Variants in TBC1D13 observed in about 807,000 individuals in gnomAD.
TBC1D13 encodes epididymis secretory sperm binding protein.
Under a neutral mutation model 53.6 loss-of-function variants are expected in TBC1D13, and 40 were observed. The ratio of observed to expected loss-of-function variants is 0.75; its 90% confidence interval spans 0.58 to 0.97. The LOEUF (loss-of-function observed/expected upper bound fraction) is 0.97, where lower values mean the gene tolerates loss of function less well. Among genes scored for constraint, TBC1D13 ranks in the 50% least tolerant of loss-of-function variants. TBC1D13 has a pLI of 0.00. For synonymous variants in TBC1D13, 182 were observed against 197.7 expected (o/e 0.92, Z 0.67); for missense variants, 377 against 499.4 (o/e 0.75, Z 2.34).
At chr9:128,806,119 T>C (rs1016946366) in intron 10 of TBC1D13, 100 bp downstream of exon 10, 21 of 1,584,976 alleles carry the variant, frequency 1.3e-5, no homozygotes, top group African/African-American at 2.7e-5. Flanking sequence ...GGCTGCTCTT[T>C]CATGGCTGGA....
rs764823258 is a variant in TBC1D13, at chr9:128,805,876, G to C, written c.936G>C (p.Lys312Asn). The C allele has an allele frequency of 6.2e-7, 1 of 1,613,808 alleles. No individual in the cohort carries two copies. The highest frequency in any genetic ancestry group is 8.5e-7 in the Non-Finnish European group (1 of 1,180,006). The part of the protein sequence containing the change: ...LYLKLQEQNI[K>N]PQFFAFRWLT... ...CTCCCCAGCAAGAGCAGAACATCAA[G>C]CCTCAGTTCTTTGCCTTCCGCTGGC... Residue 312 changes from lysine (K) to asparagine (N), a missense_variant, in exon 10 of 12, where the codon AAG (lysine) becomes AAC (asparagine). Transcript: ENST00000372648.
chr9:128,801,764 T>C (rs1253822043), intron 7 of TBC1D13, among the ~76,000 whole-genome samples: 1 of 121,700 alleles, frequency 8.2e-6, no homozygotes, highest in Admixed American at 7.2e-5. Flanking sequence ...TTTTTTGTTT[T>C]TTGTTTTTTT....
intron 2 of TBC1D13, among the ~76,000 whole-genome samples, chr9:128,788,973 T>C (rs1028048128): frequency 6.6e-6 from 1 of 152,170 alleles, no homozygotes; most frequent in East Asian, 1.9e-4. Context: ...TTAAAAAATA[T>C]CCCAACGTGT....
intron 2 of TBC1D13, 108 bp downstream of exon 2, chr9:128,788,515 G>T: frequency 1.0e-6 from 1 of 980,508 alleles, no homozygotes; most frequent in Non-Finnish European, 1.6e-6. Flanking sequence ...CTGGGGGCTG[G>T]GGCCTTGGAA....
chr9:128,794,909 A>T (rs1292196252), intron 6 of TBC1D13, among the ~76,000 whole-genome samples: 1 of 151,720 alleles, frequency 6.6e-6, no homozygotes, highest in Non-Finnish European at 1.5e-5. Context: ...CATTCTAGAC[A>T]CCATCTCCCA....
rs1829871236 is a variant in TBC1D13 at position 128,808,065 on chromosome 9, C to T, written c.*186C>T. 4.8e-6 allele frequency: 3 copies of T among 623,468 alleles called. No individual in the cohort carries two copies. In the South Asian group the frequency reaches 5.4e-5, roughly 11 times the overall value. 38.6% of individuals were successfully genotyped at this position (623,468 alleles called of 1,614,324 possible). ...TTCTGCCGCCACGCCCAGCTCCCCACCTGCCCTGCACTCTGCCCTCTTTGC... is the reference window on the plus strand; with the variant it reads ...TTCTGCCGCCACGCCCAGCTCCCCATCTGCCCTGCACTCTGCCCTCTTTGC... On this transcript the variant is annotated 3_prime_UTR_variant, in exon 12 of 12. Coordinates refer to ENST00000372648, the MANE Select transcript of TBC1D13 (RefSeq NM_018201.5).
At chr9:128,798,566 G>A (rs1829677149) in intron 7 of TBC1D13, among the ~76,000 whole-genome samples, 1 of 152,196 alleles carries the variant, frequency 6.6e-6, no homozygotes, top group South Asian at 2.1e-4. Flanking sequence ...AGTTGTCTAG[G>A]CAAGAGGTGG....
At chr9:128,791,780 G>C in intron 5 of TBC1D13, 87 bp downstream of exon 5, 1 of 1,164,106 alleles carries the variant, frequency 8.6e-7, no homozygotes, top group Non-Finnish European at 1.3e-6. Flanking sequence ...TGCATGCCAG[G>C]GGGTAGGTGC....
At position 128,808,432 on chromosome 9, in the gene TBC1D13, T is replaced by TGTGC. The variant is rs1212727637; in HGVS notation, c.*556_*557insCGTG. 1 of 169,522 alleles carries TGTGC rather than the reference T, an allele frequency of 5.9e-6. No homozygotes were observed. The highest frequency in any genetic ancestry group is 2.4e-5 in the African/African-American group (1 of 41,582). The allele number at this position is 169,522 out of a possible 1,614,324, so 10.5% of individuals were successfully genotyped here. A position where few individuals can be genotyped will look rare whatever the true frequency, so the allele number is the denominator to read the frequency against. On this transcript the variant is annotated 3_prime_UTR_variant, in exon 12 of 12. Coordinates refer to ENST00000372648, the MANE Select transcript of TBC1D13 (RefSeq NM_018201.5). The stretch of plus-strand genomic sequence containing the variant: ...CCGTGTGTGTGTGTGTGTGTGTGTG[T>TGTGC]GTGTGTGTGTGTGTGTGTGTGTGTT...
rs760918502 is a variant in TBC1D13 at position 128,797,228 on chromosome 9, T to TG, written c.543+18dup. The TG allele has an allele frequency of 6.2e-7, 1 of 1,613,544 alleles. No homozygotes were observed. Among genetic ancestry groups the TG allele is most frequent in the Non-Finnish European group, 8.5e-7 (1 of 1,179,622 alleles). ...GGGGTCACAAATGTGAGTGCCAACC[T>TG]GGGGTCCCCAGGGACTCCCCCAACA... On this transcript the variant is annotated intron_variant, in intron 7 of 11. Transcript: ENST00000372648.
At chr9:128,801,919 G>A (rs1270821916) in intron 7 of TBC1D13, among the ~76,000 whole-genome samples, 3 of 150,768 alleles carry the variant, frequency 2.0e-5, no homozygotes, top group Admixed American at 6.6e-5. Context: ...CCGCCACCAC[G>A]CCTGGCTAAT....
intron 6 of TBC1D13, among the ~76,000 whole-genome samples, chr9:128,794,857 A>C (rs1263531549): frequency 6.6e-6 from 1 of 151,650 alleles, no homozygotes; most frequent in Non-Finnish European, 1.5e-5. Context: ...AGTCTGAAAA[A>C]TGTGCGTGTA....
At chr9:128,799,702 C>G (rs1336235078) in intron 7 of TBC1D13, among the ~76,000 whole-genome samples, 1 of 152,156 alleles carries the variant, frequency 6.6e-6, no homozygotes, top group Non-Finnish European at 1.5e-5. Context: ...TGGAGGAATA[C>G]CTGTACAGCA....
At chr9:128,787,472 C>T in intron 1 of TBC1D13, 96 bp downstream of exon 1, 3 of 1,185,610 alleles carry the variant, frequency 2.5e-6, no homozygotes, top group Non-Finnish European at 3.2e-6. Flanking sequence ...GGCCAGGAAT[C>T]GGCAGACCCC....
chr9:128,798,265 A>G (rs1422485626), intron 7 of TBC1D13, among the ~76,000 whole-genome samples: 2 of 152,098 alleles, frequency 1.3e-5, no homozygotes, highest in Non-Finnish European at 2.9e-5. Context: ...AAAAAAAGAA[A>G]AGAAGAGAAC....
chr9:128,805,979 C>A lies in TBC1D13; in HGVS notation c.1039C>A (p.Arg347Ser). The stretch of plus-strand genomic sequence containing the variant: ...GGACTCCCTCTTCGCCGATGACAAC[C>A]GCTTTGACTTCCTCCTCCTCGTCTG... ...IWDSLFADDN[R>S]FDFLLLVCCA... Residue 347 changes from arginine (R) to serine (S), a missense_variant, in exon 10 of 12, where the codon CGC becomes AGC. Physicochemically the swap from Arg to Ser is moderately radical, Grantham distance 110. Coordinates refer to ENST00000372648, the MANE Select transcript of TBC1D13 (RefSeq NM_018201.5). 1 of 1,614,234 alleles carries A rather than the reference C, an allele frequency of 6.2e-7. No homozygotes were observed. Among genetic ancestry groups the A allele is most frequent in the Admixed American group, 1.7e-5 (1 of 60,030 alleles).
chr9:128,792,377 A>G, intron 5 of TBC1D13, 115 bp from the exon 6 acceptor site: 1 of 828,152 alleles, frequency 1.2e-6, no homozygotes, highest in Non-Finnish European at 2.0e-6. Context: ...TCAGGACCAC[A>G]CCTCAGTGTG....
intron 11 of TBC1D13, among the ~76,000 whole-genome samples, chr9:128,807,337 T>G (rs894693654): frequency 1.3e-5 from 2 of 152,110 alleles, no homozygotes; most frequent in African/African-American, 4.8e-5. Flanking sequence ...TCCGCCCACC[T>G]CAGCCTCCCA....
At chr9:128,794,540 ATC>A (rs1829594160) in intron 6 of TBC1D13, among the ~76,000 whole-genome samples, 1 of 151,662 alleles carries the variant, frequency 6.6e-6, no homozygotes, top group African/African-American at 2.4e-5. Flanking sequence ...CAGTGGTGCA[ATC>A]TCGGCTCACT....
Sources: gnomAD v4.1 joint callset for allele counts (sites outside exome capture counted in the v4.1 genomes callset) on GRCh38, gnomAD v4.1.1 for gene constraint, MANE v1.5 for transcripts, NCBI Gene and HGNC (gene_info 2026-07-23, HGNC 2026-07-21) for gene names.